COBL: variants seen among roughly 807,000 people sequenced by gnomAD.
COBL encodes cordon-bleu WH2 repeat protein, also known as protein cordon-bleu.
In COBL, 51 loss-of-function variants were observed where a neutral mutation model predicts 98.8. The ratio of observed to expected loss-of-function variants is 0.52; its 90% CI spans 0.41 to 0.65. The LOEUF (loss-of-function observed/expected upper bound fraction) is 0.65. COBL is among the 30% of genes least tolerant of loss of function. The pLI, the probability that COBL is intolerant of heterozygous loss-of-function variation, is 0.00. For missense variants in COBL, 1,617 were observed against 1,617.5 expected, an observed-to-expected ratio of 1.00 and a Z score of 0.01; for synonymous variants, 634 against 651.7, an observed-to-expected ratio of 0.97 and a Z score of 0.41.
chr7:51,245,203 A>G (rs1796185947), intron 1 of COBL, among the ~76,000 whole-genome samples: 1 of 152,032 alleles, frequency 6.6e-6, no homozygotes, highest in African/African-American at 2.4e-5. Flanking sequence ...GCAAGTCCAC[A>G]GCTCCCTGAA....
In COBL at chr7:51,025,070, T is replaced by C. The variant is rs1458257803; in HGVS notation, c.3768+39A>G. 4 of 1,611,604 alleles carry C rather than the reference T, an allele frequency of 2.5e-6. No individual in the cohort carries two copies. The South Asian group carries it at 4.4e-5, about 18-fold the overall frequency. On this transcript the variant is annotated intron_variant, in intron 12 of 12. Coordinates refer to ENST00000265136, the MANE Select transcript of COBL (RefSeq NM_015198.5). ...TGGATCTACGCTGCACCTCCAACCCTCTGGCCCCATTGAAATGCGCACACA... is the reference window on the plus strand; with the variant it reads ...TGGATCTACGCTGCACCTCCAACCCCCTGGCCCCATTGAAATGCGCACACA...
chr7:51,022,561 G>A (rs1787044358), intron 12 of COBL: 1 of 152,152 alleles, frequency 6.6e-6, no homozygotes, highest in Non-Finnish European at 1.5e-5. Flanking sequence ...GTTCTTTCGG[G>A]CTAGTCAAAA....
intron 7 of COBL, among the ~76,000 whole-genome samples, chr7:51,048,761 T>C (rs1006239564): frequency 6.6e-6 from 1 of 152,236 alleles, no homozygotes; most frequent in Non-Finnish European, 1.5e-5. Flanking sequence ...CTTGTGCTAA[T>C]AGAAAACAGC....
intron 7 of COBL, among the ~76,000 whole-genome samples, chr7:51,079,834 A>C (rs1793458238): frequency 6.6e-6 from 1 of 152,258 alleles, no homozygotes; most frequent in Non-Finnish European, 1.5e-5. Flanking sequence ...ACCTCTTCTG[A>C]ACTCTTGATA....
At chr7:51,158,863 T>G (rs1435571919) in intron 5 of COBL, among the ~76,000 whole-genome samples, 4 of 142,674 alleles carry the variant, frequency 2.8e-5, no homozygotes, top group Admixed American at 1.4e-4. Flanking sequence ...AGGCACGGGG[T>G]GGGAGACAGG....
At chr7:51,068,140 G>A (rs1004565439) in intron 7 of COBL, among the ~76,000 whole-genome samples, 6 of 152,200 alleles carry the variant, frequency 3.9e-5, no homozygotes, top group African/African-American at 1.4e-4. Context: ...GCTACTTTTG[G>A]TAAACATGGT....
At chr7:51,149,938 A>G (rs1365843382) in intron 5 of COBL, among the ~76,000 whole-genome samples, 1 of 152,184 alleles carries the variant, frequency 6.6e-6, no homozygotes, top group Non-Finnish European at 1.5e-5. Flanking sequence ...AATGTCTAAA[A>G]TAAGAATACA....
chr7:51,242,908 G>T (rs1268980857), intron 1 of COBL, among the ~76,000 whole-genome samples: 1 of 152,110 alleles, frequency 6.6e-6, no homozygotes, highest in East Asian at 1.9e-4. Flanking sequence ...GAAAGCCCAG[G>T]GTAACCGCTA....
chr7:51,283,017 A>G (rs1238211434), intron 1 of COBL, among the ~76,000 whole-genome samples: 1 of 152,172 alleles, frequency 6.6e-6, no homozygotes, highest in Non-Finnish European at 1.5e-5. Context: ...TGGTGGGATG[A>G]TGATAAAGAA....
chr7:51,260,222 G>A (rs1041021812), intron 1 of COBL: 5 of 649,418 alleles, frequency 7.7e-6, no homozygotes, highest in Non-Finnish European at 1.3e-5. Context: ...GGGGAAGATG[G>A]CACTCACTCT....
At chr7:51,221,665 TAAAG>T (rs1302464271) in intron 1 of COBL, among the ~76,000 whole-genome samples, 1 of 152,224 alleles carries the variant, frequency 6.6e-6, no homozygotes, top group East Asian at 1.9e-4. Flanking sequence ...TTTAGAAAGA[TAAAG>T]AATTGGCAAA....
At position 51,179,860 on chromosome 7, in the gene COBL, G is replaced by T. The variant is rs539366303; in HGVS notation, c.783+4242C>A. On this transcript the variant is annotated intron_variant, in intron 5 of 12. Coordinates refer to ENST00000265136, the MANE Select transcript of COBL (RefSeq NM_015198.5). ...AAGCAGAATAAAAGCTAAGTACATGGCACTGAAGTGACAGAGCACTGAAAT... is the reference window on the plus strand; with the variant it reads ...AAGCAGAATAAAAGCTAAGTACATGTCACTGAAGTGACAGAGCACTGAAAT... Among the ~76,000 whole-genome samples, 241 of 152,262 alleles carry T rather than the reference G, an allele frequency of 1.6e-3. 1 individual carries two copies. The highest frequency in any genetic ancestry group is 5.1e-3 in the African/African-American group (211 of 41,554).
intron 7 of COBL, among the ~76,000 whole-genome samples, chr7:51,046,752 C>T (rs1347155397): frequency 2.6e-5 from 4 of 152,136 alleles, no homozygotes; most frequent in Non-Finnish European, 5.9e-5. Context: ...TCCCATTTCC[C>T]ACCCTCTGTC....
chr7:51,286,839 G>C (rs56729702), intron 1 of COBL, among the ~76,000 whole-genome samples: 5,485 of 152,144 alleles, frequency 0.036, 278 homozygotes, highest in South Asian at 0.15. Context: ...TTCACAATAG[G>C]AAAGACATGG....
At chr7:51,121,426 C>T (rs1027668939) in intron 6 of COBL, among the ~76,000 whole-genome samples, 1 of 152,208 alleles carries the variant, frequency 6.6e-6, no homozygotes, top group Admixed American at 6.5e-5. Flanking sequence ...TTATCACATA[C>T]ATAATTTGCA....
At chr7:51,084,561 C>T (rs576991992) in intron 7 of COBL, among the ~76,000 whole-genome samples, 3 of 152,248 alleles carry the variant, frequency 2.0e-5, no homozygotes, top group South Asian at 4.1e-4. Context: ...CTCTCCACCT[C>T]GCCTGTAGCA....
chr7:51,197,664 A>G (rs1389118755), intron 2 of COBL, among the ~76,000 whole-genome samples: 2 of 152,158 alleles, frequency 1.3e-5, no homozygotes, highest in Admixed American at 6.5e-5. Context: ...TTTGAAGGTC[A>G]TTAAGAAACT....
intron 5 of COBL, among the ~76,000 whole-genome samples, chr7:51,159,445 G>A (rs562195321): frequency 6.6e-6 from 1 of 152,346 alleles, no homozygotes; most frequent in Admixed American, 6.5e-5. Context: ...GGATACCGAG[G>A]GACAGAGAGC....
chr7:51,173,009 G>A (rs756284005), intron 5 of COBL, among the ~76,000 whole-genome samples: 1 of 151,382 alleles, frequency 6.6e-6, no homozygotes, highest in Non-Finnish European at 1.5e-5. Flanking sequence ...GGCTGTTCTC[G>A]AACTCCTGAC....
Sources: allele counts gnomAD v4.1 joint callset (sites outside exome capture counted in the v4.1 genomes callset), GRCh38; gene constraint gnomAD v4.1.1; transcripts MANE v1.5; gene names NCBI Gene and HGNC (gene_info 2026-07-23, HGNC 2026-07-21).